NFIX: variants seen among roughly 807,000 people sequenced by gnomAD.
The protein encoded by NFIX is nuclear factor I X, also known as nuclear factor 1 X-type.
Under a neutral mutation model 53.3 loss-of-function variants are expected in NFIX, and 2 were observed. The ratio of observed to expected loss-of-function variants is 0.04; its 90% CI spans 0.02 to 0.12. The LOEUF is 0.12. NFIX is among the 10% of genes least tolerant of loss of function. The pLI, the probability that NFIX is intolerant of heterozygous loss-of-function variation, is 1.00. For synonymous variants in NFIX, 244 were observed against 289.0 expected (o/e 0.84, Z 1.58); for missense variants, 310 against 674.5 (o/e 0.46, Z 5.99).
intron 1 of NFIX, among the ~76,000 whole-genome samples, chr19:13,007,151 G>T (rs1052092196): frequency 6.6e-6 from 1 of 151,892 alleles, no homozygotes; most frequent in African/African-American, 2.4e-5. Flanking sequence ...GCCTGTAATG[G>T]CTCACCATTT....
Position 13,036,223 on chromosome 19 carries a change from A to T in NFIX, c.559+10671A>T, listed in dbSNP as rs2014177742. On this transcript the variant is annotated intron_variant, in intron 2 of 10. Coordinates refer to ENST00000592199, the MANE Select transcript of NFIX (RefSeq NM_001365902.3). The surrounding 1 kb of genome is among the most constrained non-coding windows in gnomAD (Gnocchi z 4.7). ...GAGGGCTCTCCTTCGTGTGGAGTAG[A>T]CCCTTCGCCAACTGGCCTGGCGTGT... 1.3e-5 allele frequency among the ~76,000 whole-genome samples: 2 copies of T among 152,088 alleles called. No homozygotes were observed. Among genetic ancestry groups the T allele is most frequent in the Non-Finnish European group, 2.9e-5 (2 of 68,002 alleles).
chr19:13,065,495 G>A (rs1388298444), intron 2 of NFIX, among the ~76,000 whole-genome samples: 1 of 152,164 alleles, frequency 6.6e-6, no homozygotes, highest in Non-Finnish European at 1.5e-5. Flanking sequence ...CCTTGCCATG[G>A]GCAGACACAG....
At chr19:13,000,814 G>T (rs1034849256) in intron 1 of NFIX, among the ~76,000 whole-genome samples, 8 of 152,210 alleles carry the variant, frequency 5.3e-5, no homozygotes, top group Non-Finnish European at 1.2e-4. Context: ...CCTATGGTGG[G>T]CACTTGGCTG....
In NFIX at chr19:13,078,405, C is replaced by T. The variant is rs1429329855; in HGVS notation, c.956-208C>T. Among the ~76,000 whole-genome samples the T allele has an allele frequency of 1.3e-5, 2 of 152,200 alleles. No individual in the cohort carries two copies. Among genetic ancestry groups the T allele is most frequent in the South Asian group, 2.1e-4 (1 of 4,832 alleles). On this transcript the variant is annotated intron_variant, in intron 6 of 10. Transcript: ENST00000592199. The surrounding 1 kb of genome is among the most constrained non-coding windows in gnomAD (Gnocchi z 4.7). ...TCGTTTTCCTCTCTGGTTAGAAGCA[C>T]CCCTTGGCTGGCCTACACACAGGGC... is the stretch of plus-strand genomic sequence containing the variant.
rs2145308949 is a variant in NFIX, at chr19:13,049,512, T to C, written c.560-23535T>C. 6.6e-6 allele frequency among the ~76,000 whole-genome samples: 1 copy of C among 152,310 alleles called. No individual in the cohort carries two copies. The highest frequency in any genetic ancestry group is 1.9e-4 in the East Asian group (1 of 5,186). ...TTCATATAAATGAGATCATACACTA[T>C]GTGGTCTTCATGTCGGGCTTCTTTC... On this transcript the variant is annotated intron_variant, in intron 2 of 10. Coordinates refer to ENST00000592199, the MANE Select transcript of NFIX (RefSeq NM_001365902.3). This position sits in a 1 kb window ranked among gnomAD's most constrained non-coding sequence, Gnocchi z 4.5.
chr19:13,001,642 A>G lies in NFIX; in HGVS notation c.27+5778A>G, dbSNP rs2011703875. On this transcript the variant is annotated intron_variant, in intron 1 of 10. Coordinates refer to ENST00000592199, the MANE Select transcript of NFIX (RefSeq NM_001365902.3). This position sits in a 1 kb window ranked among gnomAD's most constrained non-coding sequence, Gnocchi z 6.5. ...CACACGTGTTGGCCTGTCCGTGTCA[A>G]CTTGTGTCCACATACGTGTCAACGC... 6.6e-6 allele frequency among the ~76,000 whole-genome samples: 1 copy of G among 152,076 alleles called. No homozygotes were observed. Among genetic ancestry groups the G allele is most frequent in the Admixed American group, 6.5e-5 (1 of 15,280 alleles).
intron 2 of NFIX, among the ~76,000 whole-genome samples, chr19:13,031,520 A>G (rs2013802551): frequency 6.6e-6 from 1 of 152,152 alleles, no homozygotes; most frequent in Non-Finnish European, 1.5e-5. Context: ...TGAAATGCAC[A>G]CTTAGTCAAC....
chr19:13,084,139 T>C (rs1177253662), intron 8 of NFIX, among the ~76,000 whole-genome samples: 3 of 152,168 alleles, frequency 2.0e-5, no homozygotes, highest in Admixed American at 6.5e-5. Flanking sequence ...TGCAGGAAAA[T>C]GTCTGCATAG....
Position 13,087,887 on chromosome 19 carries a change from G to A in NFIX, c.1255-102G>A, listed in dbSNP as rs8103751. 0.021 allele frequency: 28,368 copies of A among 1,382,122 alleles called. 777 individuals are homozygous for A. Among genetic ancestry groups the A allele is most frequent in the African/African-American group, 0.13 (9,025 of 69,592 alleles). The allele number at this position is 1,382,122 out of a possible 1,614,324, so 85.6% of individuals were successfully genotyped here. ...AGGACCCAATCCTGGATCTTCCACC[G>A]GGAGCGCCCGCTCTCAGGAGCGAGC... On this transcript the variant is annotated intron_variant, in intron 8 of 10. Transcript: ENST00000592199.
Position 13,025,723 on chromosome 19 carries a change from C to T in NFIX, c.559+171C>T, listed in dbSNP as rs528695215. Among the ~76,000 whole-genome samples the T allele has an allele frequency of 6.6e-6, 1 of 152,308 alleles. No homozygotes were observed. The highest frequency in any genetic ancestry group is 2.4e-5 in the African/African-American group (1 of 41,556). ...TATGGGCCCTTTTCCTTTTTCCTGT[C>T]TTCTGTCTCCCCCGACCTGTTCTAT... On this transcript the variant is annotated intron_variant, in intron 2 of 10. Transcript: ENST00000592199. The surrounding 1 kb of genome is among the most constrained non-coding windows in gnomAD (Gnocchi z 7.5).
At position 13,074,122 on chromosome 19, in the gene NFIX, G is replaced by A. The variant is rs2016931889; in HGVS notation, c.818+96G>A. ...TAGTCAGCTGTGTCACTGAGGCTAGGGTGCTTCAGAATGTCACCTCTCTCA... is the reference window on the plus strand; with the variant it reads ...TAGTCAGCTGTGTCACTGAGGCTAGAGTGCTTCAGAATGTCACCTCTCTCA... On this transcript the variant is annotated intron_variant, in intron 5 of 10. Coordinates refer to ENST00000592199, the MANE Select transcript of NFIX (RefSeq NM_001365902.3). The A allele has an allele frequency of 4.0e-6, 6 of 1,500,314 alleles. No individual in the cohort carries two copies. The Admixed American group carries it at 1.1e-4, about 28-fold the overall frequency. 92.9% of individuals were successfully genotyped at this position (1,500,314 alleles called of 1,614,324 possible).
rs2145532100 is a variant in NFIX, at chr19:13,093,425, C to T, written c.1495-1210C>T. Among the ~76,000 whole-genome samples the T allele has an allele frequency of 6.6e-6, 1 of 152,366 alleles. No individual in the cohort carries two copies. The highest frequency in any genetic ancestry group is 3.4e-3 in the Middle Eastern group (1 of 294). On this transcript the variant is annotated intron_variant, in intron 10 of 10. Coordinates refer to ENST00000592199, the MANE Select transcript of NFIX (RefSeq NM_001365902.3). This position sits in a 1 kb window ranked among gnomAD's most constrained non-coding sequence, Gnocchi z 4.7. The stretch of plus-strand genomic sequence containing the variant: ...TTTGAAAAGTTGGCAGATGAGCTGC[C>T]CTGGGCCCTCACCCTGACCCTAGGC...
At chr19:13,074,743 C>T (rs1370263382) in intron 5 of NFIX, among the ~76,000 whole-genome samples, 6 of 148,182 alleles carry the variant, frequency 4.0e-5, no homozygotes, top group East Asian at 2.0e-4. Context: ...ATATTAATTG[C>T]GAGATTTTTG....
chr19:13,056,172 T>C (rs1213707094), intron 2 of NFIX, among the ~76,000 whole-genome samples: 5 of 151,772 alleles, frequency 3.3e-5, no homozygotes, highest in African/African-American at 7.3e-5. Context: ...TCGGAAGGAG[T>C]TGGGGAAGCA....
intron 1 of NFIX, among the ~76,000 whole-genome samples, chr19:13,023,707 C>T (rs2013097558): frequency 6.7e-6 from 1 of 149,790 alleles, no homozygotes; most frequent in South Asian, 2.1e-4. Context: ...CTTTTGTTTA[C>T]CTGGCGTGTG....
At chr19:13,016,690 C>T (rs1301258460) in intron 1 of NFIX, among the ~76,000 whole-genome samples, 2 of 148,150 alleles carry the variant, frequency 1.3e-5, no homozygotes, top group African/African-American at 2.5e-5. Context: ...TGTAGTCTGA[C>T]AGTATAATTT....
Position 13,001,902 on chromosome 19 carries a change from C to T in NFIX, c.27+6038C>T, listed in dbSNP as rs1052264923. On this transcript the variant is annotated intron_variant, in intron 1 of 10. Coordinates refer to ENST00000592199, the MANE Select transcript of NFIX (RefSeq NM_001365902.3). The surrounding 1 kb of genome is among the most constrained non-coding windows in gnomAD (Gnocchi z 6.5). Reference sequence around the variant, plus strand: ...GGCCTTGCTGGGGGCCCCGCCCGTGCCCCTGGCCTGGCGTGGACAGAAGCC... The same window carrying T: ...GGCCTTGCTGGGGGCCCCGCCCGTGTCCCTGGCCTGGCGTGGACAGAAGCC... Among the ~76,000 whole-genome samples the T allele has an allele frequency of 6.6e-6, 1 of 152,252 alleles. No individual in the cohort carries two copies. The highest frequency in any genetic ancestry group is 2.4e-5 in the African/African-American group (1 of 41,470).
rs915304342 is a variant in NFIX at position 12,995,506 on chromosome 19, TGCG to T, written c.-315_-313del. Reference sequence around the variant, plus strand: ...ACTTTCACTTTCACAGCGCGGCGGCTGCGGCGGCGGCGGCGGCGGGCGAGGGTG... The same window carrying T: ...ACTTTCACTTTCACAGCGCGGCGGCTGCGGCGGCGGCGGCGGGCGAGGGTG... On this transcript the variant is annotated 5_prime_UTR_variant, in exon 1 of 11. Coordinates refer to ENST00000592199, the MANE Select transcript of NFIX (RefSeq NM_001365902.3). The T allele has an allele frequency of 1.8e-3, 276 of 151,132 alleles. No individual in the cohort carries two copies. Among genetic ancestry groups the T allele is most frequent in the Non-Finnish European group, 3.1e-3 (217 of 69,264 alleles). 9.4% of individuals were successfully genotyped at this position (151,132 alleles called of 1,614,324 possible).
intron 2 of NFIX, among the ~76,000 whole-genome samples, chr19:13,054,862 C>A (rs968589291): frequency 6.6e-6 from 1 of 152,192 alleles, no homozygotes; most frequent in Non-Finnish European, 1.5e-5. Flanking sequence ...CAGTCACCAG[C>A]CACAGTCACA....
Sources: gnomAD v4.1 joint callset for allele counts (sites outside exome capture counted in the v4.1 genomes callset) on GRCh38, gnomAD v4.1.1 for gene constraint, Gnocchi (gnomAD v3.1) non-coding constraint, MANE v1.5 for transcripts, NCBI Gene and HGNC (gene_info 2026-07-23, HGNC 2026-07-21) for gene names.